Variants in SDCCAG8 observed in about 807,000 individuals in gnomAD.
SDCCAG8 encodes the protein SHH signaling and ciliogenesis regulator SDCCAG8, also known as serologically defined colon cancer antigen 8.
Under a neutral mutation model 101.8 loss-of-function variants are expected in SDCCAG8, and 74 were observed. The ratio of observed to expected loss-of-function variants is 0.73; its 90% CI spans 0.60 to 0.88. The LOEUF (loss-of-function observed/expected upper bound fraction) is 0.88. Ranked by LOEUF, SDCCAG8 falls within the 40% of genes least tolerant of loss-of-function variation. The pLI, the probability that SDCCAG8 is intolerant of heterozygous loss-of-function variation, is 0.00. For synonymous variants in SDCCAG8, 281 were observed against 292.9 expected, an observed-to-expected ratio of 0.96 and a Z score of 0.41; for missense variants, 787 against 822.6, an observed-to-expected ratio of 0.96 and a Z score of 0.53.
intron 16 of SDCCAG8, among the ~76,000 whole-genome samples, chr1:243,461,557 C>T (rs1659105848): frequency 1.3e-5 from 2 of 152,164 alleles, no homozygotes; most frequent in Non-Finnish European, 2.9e-5. Context: ...TCTTCATCTT[C>T]AAAAAATTTG....
chr1:243,496,272 G>A (rs1179573432), intron 17 of SDCCAG8, among the ~76,000 whole-genome samples: 2 of 152,336 alleles, frequency 1.3e-5, no homozygotes, highest in East Asian at 3.9e-4. Flanking sequence ...AGCGGGTGCG[G>A]GCGGAGCCGG....
chr1:243,419,863 G>T (rs981654473), intron 15 of SDCCAG8, among the ~76,000 whole-genome samples: 2 of 152,146 alleles, frequency 1.3e-5, no homozygotes, highest in Non-Finnish European at 2.9e-5. Context: ...CTTACTCTGT[G>T]CCCCTAGGCC....
intron 16 of SDCCAG8, among the ~76,000 whole-genome samples, chr1:243,472,838 TAAAC>T (rs1382020352): frequency 6.6e-6 from 1 of 152,228 alleles, no homozygotes; most frequent in Non-Finnish European, 1.5e-5. Context: ...TTTACTATCT[TAAAC>T]AAGGTCATCT....
intron 6 of SDCCAG8, among the ~76,000 whole-genome samples, chr1:243,296,898 A>G (rs2070982679): frequency 6.6e-6 from 1 of 152,116 alleles, no homozygotes; most frequent in Non-Finnish European, 1.5e-5. Context: ...TAAACCTAGT[A>G]GCAGCTTTGT....
chr1:243,441,720 G>A (rs950637201), intron 16 of SDCCAG8, among the ~76,000 whole-genome samples: 1 of 152,162 alleles, frequency 6.6e-6, no homozygotes, highest in Non-Finnish European at 1.5e-5. Context: ...AGACTTTGGA[G>A]TATCTTAACA....
chr1:243,274,491 G>T, intron 3 of SDCCAG8, 52 bp from the exon 4 acceptor site: 1 of 1,081,868 alleles, frequency 9.2e-7, no homozygotes, highest in Non-Finnish European at 1.4e-6. Flanking sequence ...GCTTAATTTG[G>T]CTTTTTAAAA....
intron 13 of SDCCAG8, among the ~76,000 whole-genome samples, chr1:243,394,815 G>A (rs1038428611): frequency 2.0e-5 from 3 of 151,254 alleles, no homozygotes; most frequent in African/African-American, 7.3e-5. Context: ...CTTCGGTAGT[G>A]TAACCTGGCA....
At chr1:243,371,003 G>C (rs1340904937) in intron 12 of SDCCAG8, among the ~76,000 whole-genome samples, 1 of 152,104 alleles carries the variant, frequency 6.6e-6, no homozygotes, top group Non-Finnish European at 1.5e-5. Context: ...GGGACTTGAG[G>C]CTAAGCAAAT....
intron 13 of SDCCAG8, among the ~76,000 whole-genome samples, chr1:243,398,987 G>A (rs930728390): frequency 6.6e-6 from 1 of 152,204 alleles, no homozygotes; most frequent in Non-Finnish European, 1.5e-5. Flanking sequence ...AAAATAAAGA[G>A]CCCATGATCC....
intron 16 of SDCCAG8, among the ~76,000 whole-genome samples, chr1:243,428,184 A>G (rs1427244101): frequency 6.6e-6 from 1 of 152,168 alleles, no homozygotes; most frequent in Admixed American, 6.5e-5. Context: ...TGCATTTATC[A>G]TCTCCATTTC....
At chr1:243,372,884 G>A (rs1156612197) in intron 12 of SDCCAG8, among the ~76,000 whole-genome samples, 1 of 144,606 alleles carries the variant, frequency 6.9e-6, no homozygotes, top group African/African-American at 2.6e-5. Context: ...TGTAGTCCCA[G>A]CTACTTGGGA....
chr1:243,394,770 C>T (rs922909379), intron 13 of SDCCAG8, among the ~76,000 whole-genome samples: 1 of 151,982 alleles, frequency 6.6e-6, no homozygotes, highest in African/African-American at 2.4e-5. Context: ...AGCTCTTCGC[C>T]TTCACCTAGC....
chr1:243,414,843 A>AT (rs1491115426), intron 13 of SDCCAG8, among the ~76,000 whole-genome samples: 1 of 92,118 alleles, frequency 1.1e-5, no homozygotes, highest in South Asian at 3.7e-4. Context: ...AACCATTCTA[A>AT]TATGTGTGTG....
At chr1:243,465,974 A>G (rs1486766950) in intron 16 of SDCCAG8, among the ~76,000 whole-genome samples, 1 of 152,218 alleles carries the variant, frequency 6.6e-6, no homozygotes, top group Non-Finnish European at 1.5e-5. Context: ...AGCCTATTCT[A>G]GGGCAGACTC....
intron 13 of SDCCAG8, among the ~76,000 whole-genome samples, chr1:243,399,541 C>G (rs953141906): frequency 5.9e-5 from 9 of 152,174 alleles, no homozygotes; most frequent in Admixed American, 3.9e-4. Flanking sequence ...GAGTCTCACT[C>G]TGTCGCCCAG....
intron 13 of SDCCAG8, among the ~76,000 whole-genome samples, chr1:243,404,324 A>C (rs540658419): frequency 8.0e-4 from 122 of 152,220 alleles, no homozygotes; most frequent in Non-Finnish European, 1.2e-3. Flanking sequence ...AGCTACAGGA[A>C]TGGTGAGGAC....
At chr1:243,316,528 G>A (rs541572555) in intron 8 of SDCCAG8, among the ~76,000 whole-genome samples, 1 of 152,220 alleles carries the variant, frequency 6.6e-6, no homozygotes, top group East Asian at 1.9e-4. Context: ...TGATTGTCCC[G>A]CACAGATGCC....
chr1:243,415,806 T>C lies in SDCCAG8; in HGVS notation c.1721T>C (p.Met574Thr). ...EQELTQKIQQMEAQHDKTENE... is the reference protein window; with the variant it reads ...EQELTQKIQQTEAQHDKTENE... ...GAGCTGACACAGAAGATACAGCAAA[T>C]GGAGGCCCAGCATGACAAAACTGGT... Residue 574 changes from methionine (M) to threonine (T), a missense_variant, in exon 14 of 18, where the codon ATG (methionine) becomes ACG (threonine). By Grantham distance (81) the Met-to-Thr change is moderately conservative (BLOSUM62 -1). Transcript: ENST00000366541. 6.2e-7 allele frequency: 1 copy of C among 1,613,568 alleles called. No homozygotes were observed. Among genetic ancestry groups the C allele is most frequent in the Non-Finnish European group, 8.5e-7 (1 of 1,179,754 alleles).
At chr1:243,385,780 A>ACCAACATGGAGAAACC (rs1324812647) in intron 13 of SDCCAG8, among the ~76,000 whole-genome samples, 4 of 151,864 alleles carry the variant, frequency 2.6e-5, no homozygotes, top group African/African-American at 9.7e-5. Context: ...GACCAGCCTG[A>ACCAACATGGAGAAACC]CCAACATGGA....
Sources: allele counts gnomAD v4.1 joint callset (sites outside exome capture counted in the v4.1 genomes callset), GRCh38; gene constraint gnomAD v4.1.1; transcripts MANE v1.5; gene names NCBI Gene and HGNC (gene_info 2026-07-23, HGNC 2026-07-21).